The following TMCC1 variants were observed in gnomAD, a reference collection of about 807,000 sequenced individuals.
The protein encoded by TMCC1 is transmembrane and coiled-coil domain family 1, also known as transmembrane and coiled-coil domains protein 1.
A neutral mutation model predicts 52.4 loss-of-function variants in TMCC1; 15 were observed. That is an observed-to-expected ratio of 0.29 (90% confidence interval 0.19 to 0.44). The LOEUF (loss-of-function observed/expected upper bound fraction) is 0.44, where lower values mean the gene tolerates loss of function less well. Among genes scored for constraint, TMCC1 ranks in the 20% least tolerant of loss-of-function variants. The probability of loss-of-function intolerance (pLI) is 1.00; values close to 1 mark genes in which losing one functional copy is unlikely to be tolerated. For missense variants in TMCC1, 503 were observed against 806.0 expected (o/e 0.62, Z 4.55); for synonymous variants, 279 against 301.9 (o/e 0.92, Z 0.79).
intron 1 of TMCC1, chr3:129,892,527 ATTT>A (rs548180033): frequency 1.4e-5 from 2 of 147,902 alleles, no homozygotes; most frequent in African/African-American, 4.9e-5. Context: ...TATGCCCTGG[ATTT>A]TTTTTTTTTA....
chr3:129,719,599 C>A (rs935279029), intron 4 of TMCC1, among the ~76,000 whole-genome samples: 2 of 152,124 alleles, frequency 1.3e-5, no homozygotes, highest in African/African-American at 4.8e-5. Flanking sequence ...ATACTATCTC[C>A]AGGTAGACAG....
At chr3:129,849,077 C>CG (rs2059794222) in intron 2 of TMCC1, among the ~76,000 whole-genome samples, 1 of 152,178 alleles carries the variant, frequency 6.6e-6, no homozygotes, top group Non-Finnish European at 1.5e-5. Context: ...TTTCTTACTG[C>CG]TACTACTACT....
chr3:129,695,641 C>T (rs140309657), intron 4 of TMCC1, among the ~76,000 whole-genome samples: 4 of 152,190 alleles, frequency 2.6e-5, no homozygotes, highest in South Asian at 2.1e-4. Context: ...TAACTGGCCC[C>T]GTGATTAAAT....
intron 4 of TMCC1, among the ~76,000 whole-genome samples, chr3:129,681,977 G>C (rs2089031328): frequency 6.6e-6 from 1 of 151,166 alleles, no homozygotes; most frequent in African/African-American, 2.4e-5. Context: ...GGAGAGGCCA[G>C]AAAAGCCCTA....
chr3:129,780,148 C>T (rs1157056634), intron 4 of TMCC1, among the ~76,000 whole-genome samples: 1 of 152,076 alleles, frequency 6.6e-6, no homozygotes, highest in Admixed American at 6.5e-5. Context: ...AATTATATTT[C>T]TCAAATTTTA....
chr3:129,863,648 G>A, intron 2 of TMCC1, among the ~76,000 whole-genome samples: 1 of 152,098 alleles, frequency 6.6e-6, no homozygotes, highest in South Asian at 2.1e-4. Flanking sequence ...GATCACCTGA[G>A]GTCAGGAGTT....
At chr3:129,800,731 G>A (rs935085128) in intron 4 of TMCC1, among the ~76,000 whole-genome samples, 2 of 151,602 alleles carry the variant, frequency 1.3e-5, no homozygotes, top group Admixed American at 6.6e-5. Flanking sequence ...GTCATATTTT[G>A]CTATTTAACC....
chr3:129,731,764 G>A (rs897942705), intron 4 of TMCC1, among the ~76,000 whole-genome samples: 4 of 151,892 alleles, frequency 2.6e-5, no homozygotes, highest in Non-Finnish European at 5.9e-5. Context: ...GAGACTACAG[G>A]TGTCAGCCCC....
intron 2 of TMCC1, among the ~76,000 whole-genome samples, chr3:129,846,216 G>A (rs922864305): frequency 6.6e-6 from 1 of 151,846 alleles, no homozygotes; most frequent in Non-Finnish European, 1.5e-5. Flanking sequence ...CACTTTGGGA[G>A]GCCAAGGCAG....
At chr3:129,800,440 C>A (rs2057113859) in intron 4 of TMCC1, among the ~76,000 whole-genome samples, 1 of 151,610 alleles carries the variant, frequency 6.6e-6, no homozygotes, top group Non-Finnish European at 1.5e-5. Flanking sequence ...TACACTCTTA[C>A]AATAATGTAT....
Position 129,698,599 on chromosome 3 carries a change from G to A in TMCC1, c.577-27335C>T, listed in dbSNP as rs542858603. ...CTCTGTGTGCTCAATTTGTACATGA[G>A]TTATAATTTTACCTTAAGAAAATAA... is the stretch of plus-strand genomic sequence containing the variant. On this transcript the variant is annotated intron_variant, in intron 4 of 6. Coordinates refer to ENST00000393238, the MANE Select transcript of TMCC1 (RefSeq NM_001017395.5). 3.9e-5 allele frequency among the ~76,000 whole-genome samples: 6 copies of A among 152,258 alleles called. No individual in the cohort carries two copies. In the South Asian group the frequency reaches 1.2e-3, roughly 32 times the overall value.
At chr3:129,796,399 T>G (rs2056823332) in intron 4 of TMCC1, among the ~76,000 whole-genome samples, 1 of 152,216 alleles carries the variant, frequency 6.6e-6, no homozygotes, top group Non-Finnish European at 1.5e-5. Context: ...CGTGACTGTA[T>G]ATATAGGGTT....
intron 4 of TMCC1, among the ~76,000 whole-genome samples, chr3:129,722,231 C>T (rs570789355): frequency 6.6e-6 from 1 of 152,284 alleles, no homozygotes; most frequent in South Asian, 2.1e-4. Context: ...CTGAGCTCCA[C>T]CTCCTGTCAG....
chr3:129,862,533 G>A (rs1414657806), intron 2 of TMCC1, among the ~76,000 whole-genome samples: 3 of 152,148 alleles, frequency 2.0e-5, no homozygotes, highest in African/African-American at 7.2e-5. Context: ...AATAGCTAAA[G>A]TAAGGGATGA....
At position 129,807,012 on chromosome 3, in the gene TMCC1, G is replaced by C. The variant is rs138596999; in HGVS notation, c.576+20791C>G. On this transcript the variant is annotated intron_variant, in intron 4 of 6. Transcript: ENST00000393238. ...AAATTAAATAAATAATATGAATACA[G>C]CTATATGTGATAACATGGATCAATC... is the stretch of plus-strand genomic sequence containing the variant. 5.3e-5 allele frequency among the ~76,000 whole-genome samples: 8 copies of C among 152,214 alleles called. No homozygotes were observed. The East Asian group carries it at 1.3e-3, about 26-fold the overall frequency.
At chr3:129,850,651 A>AT (rs2059876613) in intron 2 of TMCC1, among the ~76,000 whole-genome samples, 1 of 152,212 alleles carries the variant, frequency 6.6e-6, no homozygotes, top group Admixed American at 6.5e-5. Context: ...AGCTAGAGGA[A>AT]TTAAAGACAC....
rs1553869831 is a variant in TMCC1, at chr3:129,785,933, C to CCTT, written c.576+41869_576+41870insAAG. On this transcript the variant is annotated intron_variant, in intron 4 of 6. Transcript: ENST00000393238. ...TCATGTTAGAACTTACCCTCACCCC[C>CCTT]TTTTTTTTTTTTTTTTTTTAAGACA... Among the ~76,000 whole-genome samples, 3 of 127,640 alleles carry CCTT rather than the reference C, an allele frequency of 2.4e-5. No homozygotes were observed. The Admixed American group carries it at 2.6e-4, about 11-fold the overall frequency. 83.7% of individuals were successfully genotyped at this position (127,640 alleles called of 152,430 possible). A position where few individuals can be genotyped will look rare whatever the true frequency, so the allele number is the denominator to read the frequency against.
chr3:129,797,058 G>A (rs2056876918), intron 4 of TMCC1, among the ~76,000 whole-genome samples: 1 of 152,190 alleles, frequency 6.6e-6, no homozygotes, highest in Admixed American at 6.5e-5. Context: ...AGGCGCGGTG[G>A]CTCACGCCTG....
rs748929941 is a variant in TMCC1 at position 129,648,315 on chromosome 3, C to T, written c.*3166G>A. The T allele has an allele frequency of 6.6e-6, 1 of 152,180 alleles. No individual in the cohort carries two copies. Among genetic ancestry groups the T allele is most frequent in the Non-Finnish European group, 1.5e-5 (1 of 68,044 alleles). 9.4% of individuals were successfully genotyped at this position (152,180 alleles called of 1,614,324 possible). ...ATGCAGTGAAGACCACATGAAAATA[C>T]GCTCATTATTTGGACATGGCTAGTG... On this transcript the variant is annotated 3_prime_UTR_variant, in exon 7 of 7. Transcript: ENST00000393238.
Sources: gnomAD v4.1 joint callset for allele counts (sites outside exome capture counted in the v4.1 genomes callset) on GRCh38, gnomAD v4.1.1 for gene constraint, MANE v1.5 for transcripts, NCBI Gene and HGNC (gene_info 2026-07-23, HGNC 2026-07-21) for gene names.